The following NOL4 variants were observed in gnomAD, a reference collection of about 807,000 sequenced individuals.
NOL4 encodes nucleolar protein 4.
Under a neutral mutation model 75.9 loss-of-function variants are expected in NOL4, and 17 were observed. The observed-to-expected ratio is 0.22, with a 90% CI of 0.15 to 0.34. NOL4 has a LOEUF of 0.34. Ranked by LOEUF, NOL4 falls within the 10% of genes least tolerant of loss-of-function variation. NOL4 has a pLI of 1.00. For synonymous variants in NOL4, 292 were observed against 289.9 expected, an observed-to-expected ratio of 1.01 and a Z score of -0.07; for missense variants, 614 against 793.5, an observed-to-expected ratio of 0.77 and a Z score of 2.72.
chr18:33,989,309 G>A (rs1305578841), intron 6 of NOL4, among the ~76,000 whole-genome samples: 6 of 151,148 alleles, frequency 4.0e-5, no homozygotes, highest in Admixed American at 4.0e-4. Flanking sequence ...TTGCATCCTA[G>A]TAAGTTGAAT....
chr18:34,077,758 A>T (rs1043770396), intron 5 of NOL4, among the ~76,000 whole-genome samples: 10 of 152,148 alleles, frequency 6.6e-5, no homozygotes, highest in African/African-American at 2.4e-4. Flanking sequence ...TATTGACAGA[A>T]ATTTGATATC....
intron 1 of NOL4, among the ~76,000 whole-genome samples, chr18:34,149,201 G>T (rs1443375392): frequency 6.6e-6 from 1 of 151,488 alleles, no homozygotes; most frequent in Non-Finnish European, 1.5e-5. Context: ...ATTAGGTTGA[G>T]ACATGCTAAT....
chr18:34,169,802 C>T (rs2146255102), intron 1 of NOL4, among the ~76,000 whole-genome samples: 1 of 152,098 alleles, frequency 6.6e-6, no homozygotes, highest in African/African-American at 2.4e-5. Context: ...TGACAAAATC[C>T]CACATCCATT....
At chr18:34,057,375 C>A (rs1359101492) in intron 5 of NOL4, among the ~76,000 whole-genome samples, 5 of 152,122 alleles carry the variant, frequency 3.3e-5, no homozygotes, top group Non-Finnish European at 7.4e-5. Context: ...AAAAACTATG[C>A]GGTTTCTGTT....
chr18:34,176,417 A>G (rs190020705), intron 1 of NOL4, among the ~76,000 whole-genome samples: 25 of 152,246 alleles, frequency 1.6e-4, no homozygotes, highest in Admixed American at 1.2e-3. Context: ...AAAACTTCCC[A>G]AATTTGATGA....
At chr18:33,965,373 T>C (rs921426697) in intron 6 of NOL4, among the ~76,000 whole-genome samples, 1 of 151,968 alleles carries the variant, frequency 6.6e-6, no homozygotes. Flanking sequence ...CATGCATCCC[T>C]AGAAGTGTAC....
At chr18:33,935,767 T>G (rs2068018211) in intron 9 of NOL4, among the ~76,000 whole-genome samples, 1 of 152,138 alleles carries the variant, frequency 6.6e-6, no homozygotes, top group Non-Finnish European at 1.5e-5. Context: ...AAATGAGGAA[T>G]GCTTGTGCTT....
intron 4 of NOL4, among the ~76,000 whole-genome samples, chr18:34,098,013 T>C (rs1204000789): frequency 6.6e-6 from 1 of 152,188 alleles, no homozygotes; most frequent in Non-Finnish European, 1.5e-5. Context: ...ACAAGTTAAT[T>C]CATTAAAATT....
chr18:33,886,535 AAAAAAAG>A lies in NOL4; in HGVS notation c.1543-3118_1543-3112del, dbSNP rs1331490833. The stretch of plus-strand genomic sequence containing the variant: ...AGAGTGAGACTCCATCTCAAAAAAA[AAAAAAAG>A]AAAAAAGAAATAATGAACTATTAAC... On this transcript the variant is annotated intron_variant, in intron 9 of 10. Coordinates refer to ENST00000261592, the MANE Select transcript of NOL4 (RefSeq NM_003787.5). 1.7e-4 allele frequency among the ~76,000 whole-genome samples: 26 copies of A among 151,068 alleles called. 1 individual carries two copies. The highest frequency in any genetic ancestry group is 1.7e-3 in the Admixed American group (25 of 15,090).
intron 9 of NOL4, among the ~76,000 whole-genome samples, chr18:33,893,360 T>C (rs977652193): frequency 6.6e-6 from 1 of 152,154 alleles, no homozygotes; most frequent in Admixed American, 6.6e-5. Flanking sequence ...CCTTAGAAAC[T>C]GGACACATAC....
At chr18:33,961,336 C>A (rs780891325) in intron 6 of NOL4, among the ~76,000 whole-genome samples, 31 of 151,854 alleles carry the variant, frequency 2.0e-4, no homozygotes, top group Non-Finnish European at 3.7e-4. Context: ...AGGGGAGGGC[C>A]TAAGGGCATA....
At chr18:33,942,258 C>T (rs538503935) in intron 9 of NOL4, among the ~76,000 whole-genome samples, 4 of 151,966 alleles carry the variant, frequency 2.6e-5, no homozygotes, top group Non-Finnish European at 5.9e-5. Context: ...TGTAAAAATA[C>T]TTTACAAGTG....
intron 1 of NOL4, among the ~76,000 whole-genome samples, chr18:34,163,062 A>C (rs972568184): frequency 6.6e-6 from 1 of 152,232 alleles, no homozygotes; most frequent in African/African-American, 2.4e-5. Context: ...AAAAACTCTC[A>C]ATAAATTAGG....
intron 4 of NOL4, among the ~76,000 whole-genome samples, chr18:34,103,150 AC>A (rs2079117690): frequency 6.6e-6 from 1 of 152,076 alleles, no homozygotes. Flanking sequence ...TATTTGAAAA[AC>A]AAACATTTAA....
chr18:34,223,335 C>T lies in NOL4; in HGVS notation c.-82G>A, dbSNP rs566255756. The T allele has an allele frequency of 3.2e-5, 50 of 1,540,332 alleles. No individual in the cohort carries two copies. The African/African-American group carries it at 5.3e-4, about 16-fold the overall frequency. The stretch of plus-strand genomic sequence containing the variant: ...CCTAGGCTCATGAAAAATGCAGCCC[C>T]GGCCACGTTGCAGGGATGCGAGGTC... On this transcript the variant is annotated 5_prime_UTR_variant, in exon 1 of 11. Coordinates refer to ENST00000261592, the MANE Select transcript of NOL4 (RefSeq NM_003787.5).
chr18:33,912,260 T>C (rs753781682), intron 9 of NOL4, among the ~76,000 whole-genome samples: 4 of 152,048 alleles, frequency 2.6e-5, no homozygotes, highest in Non-Finnish European at 4.4e-5. Flanking sequence ...CTAAACTTTA[T>C]ATATTCACTT....
At chr18:34,199,964 A>C (rs1054023361) in intron 1 of NOL4, among the ~76,000 whole-genome samples, 1 of 152,012 alleles carries the variant, frequency 6.6e-6, no homozygotes, top group African/African-American at 2.4e-5. Context: ...GAGCAGCAGC[A>C]TCTTAAGCTG....
At chr18:34,033,229 A>T (rs1374621063) in intron 5 of NOL4, among the ~76,000 whole-genome samples, 2 of 152,204 alleles carry the variant, frequency 1.3e-5, no homozygotes, top group Non-Finnish European at 2.9e-5. Context: ...ATGAAATCCC[A>T]GAATAAGAAA....
At chr18:33,941,087 A>G (rs528071796) in intron 9 of NOL4, among the ~76,000 whole-genome samples, 1 of 152,128 alleles carries the variant, frequency 6.6e-6, no homozygotes, top group Admixed American at 6.6e-5. Flanking sequence ...AGCAAATAAC[A>G]AATATATCTT....
Sources: gnomAD v4.1 joint callset for allele counts (sites outside exome capture counted in the v4.1 genomes callset) on GRCh38, gnomAD v4.1.1 for gene constraint, MANE v1.5 for transcripts, NCBI Gene and HGNC (gene_info 2026-07-23, HGNC 2026-07-21) for gene names.